The following CABLES1 variants were observed in gnomAD, a reference collection of about 807,000 sequenced individuals.
CABLES1 encodes the protein CDK5 and ABL1 enzyme substrate 1.
A neutral mutation model predicts 57.8 loss-of-function variants in CABLES1; 36 were observed. The ratio of observed to expected loss-of-function variants is 0.62; its 90% CI spans 0.48 to 0.82. CABLES1 has a LOEUF of 0.82. Ranked by LOEUF, CABLES1 falls within the 40% of genes least tolerant of loss-of-function variation. The probability of loss-of-function intolerance (pLI) is 0.00; values close to 1 mark genes in which losing one functional copy is unlikely to be tolerated. For synonymous variants in CABLES1, 374 were observed against 363.0 expected, an observed-to-expected ratio of 1.03 and a Z score of -0.35; for missense variants, 767 against 836.6, an observed-to-expected ratio of 0.92 and a Z score of 1.03.
chr18:23,232,367 C>G (rs566045110), intron 4 of CABLES1, among the ~76,000 whole-genome samples: 188 of 152,314 alleles, frequency 1.2e-3, no homozygotes, highest in Non-Finnish European at 2.4e-3. Context: ...GCTGCTGGTC[C>G]TTGAATGAAA....
intron 7 of CABLES1, among the ~76,000 whole-genome samples, chr18:23,247,186 T>C (rs1419026724): frequency 6.6e-6 from 1 of 152,188 alleles, no homozygotes; most frequent in East Asian, 1.9e-4. Flanking sequence ...CTTGGCATGG[T>C]TGGGAGGCCC....
intron 1 of CABLES1, among the ~76,000 whole-genome samples, chr18:23,175,737 T>C (rs2047118752): frequency 6.6e-6 from 1 of 152,234 alleles, no homozygotes; most frequent in Non-Finnish European, 1.5e-5. Context: ...CATGAGCCAC[T>C]GCTACTGGTC....
Position 23,136,036 on chromosome 18 carries a change from G to A in CABLES1, c.274G>A (p.Gly92Ser), listed in dbSNP as rs938283927. The change falls in exon 1 of 10, where the codon GGC becomes AGC. Residue 92 changes from glycine to serine, a missense_variant. Gly to Ser is a moderately conservative substitution (Grantham distance 56). Coordinates refer to ENST00000256925, the MANE Select transcript of CABLES1 (RefSeq NM_001100619.3). ...DAEWGGGEEGGAAKPGAGGAC... is the reference protein window; with the variant it reads ...DAEWGGGEEGSAAKPGAGGAC... ...GGAGTGGGGCGGTGGCGAGGAGGGC[G>A]GCGCGGCCAAGCCGGGCGCCGGCGG... 3 of 1,137,196 alleles carry A rather than the reference G, an allele frequency of 2.6e-6. No individual in the cohort carries two copies. The highest frequency in any genetic ancestry group is 3.2e-6 in the Non-Finnish European group (3 of 930,142). The allele number at this position is 1,137,196 out of a possible 1,614,324, so 70.4% of individuals were successfully genotyped here.
intron 7 of CABLES1, among the ~76,000 whole-genome samples, chr18:23,247,260 G>A (rs2047919887): frequency 6.6e-6 from 1 of 152,234 alleles, no homozygotes; most frequent in Non-Finnish European, 1.5e-5. Flanking sequence ...ATGACCTCCT[G>A]TACACCAGAG....
rs115499496 is a variant in CABLES1 at position 23,141,352 on chromosome 18, A to C, written c.845+4745A>C. ...ATCTATGTCTTGACTGAAAAGAAAA[A>C]TGTGAGCCCACCACAGATCAAGAAT... On this transcript the variant is annotated intron_variant, in intron 1 of 9. Transcript: ENST00000256925. 5.6e-3 allele frequency among the ~76,000 whole-genome samples: 860 copies of C among 152,312 alleles called. 11 individuals are homozygous for C. Among genetic ancestry groups the C allele is most frequent in the African/African-American group, 0.019 (785 of 41,572 alleles).
rs1308509595 is a variant in CABLES1, at chr18:23,136,662, A to G, written c.845+55A>G. ...ACCCTGCGTCCCGCCCGGCGCTCCC[A>G]GCCTCCCCGCGGTCTCTGGGCTACG... On this transcript the variant is annotated intron_variant, in intron 1 of 9. Coordinates refer to ENST00000256925, the MANE Select transcript of CABLES1 (RefSeq NM_001100619.3). 6 of 1,175,960 alleles carry G rather than the reference A, an allele frequency of 5.1e-6. No individual in the cohort carries two copies. The East Asian group carries it at 1.7e-4, about 34-fold the overall frequency. The allele number at this position is 1,175,960 out of a possible 1,614,324, so 72.8% of individuals were successfully genotyped here.
At chr18:23,189,293 A>G in intron 2 of CABLES1, 1 of 180,878 alleles carries the variant, frequency 5.5e-6, no homozygotes, top group Non-Finnish European at 1.2e-5. Context: ...AGAACTCCTC[A>G]GGAGGTAACC....
At chr18:23,245,212 C>G (rs2047844237) in intron 7 of CABLES1, among the ~76,000 whole-genome samples, 1 of 152,102 alleles carries the variant, frequency 6.6e-6, no homozygotes, top group African/African-American at 2.4e-5. Context: ...TGTTTTTGTA[C>G]AAAGCAAAGG....
chr18:23,221,810 C>G (rs2145064367), intron 4 of CABLES1, among the ~76,000 whole-genome samples: 1 of 152,284 alleles, frequency 6.6e-6, no homozygotes, highest in Non-Finnish European at 1.5e-5. Context: ...TCTATGGTCT[C>G]TGCCACAGTG....
At chr18:23,172,899 T>C (rs1056524097) in intron 1 of CABLES1, among the ~76,000 whole-genome samples, 50 of 152,026 alleles carry the variant, frequency 3.3e-4, no homozygotes, top group African/African-American at 1.0e-3. Context: ...GCACCTCGGA[T>C]TGGGGTATTG....
At chr18:23,243,943 C>T (rs1045165229) in intron 7 of CABLES1, among the ~76,000 whole-genome samples, 55 of 151,882 alleles carry the variant, frequency 3.6e-4, no homozygotes, top group African/African-American at 1.2e-3. Flanking sequence ...AGCATCTGCT[C>T]TCTATGTATT....
In CABLES1 at chr18:23,183,248, T is replaced by C. The variant is rs141316815; in HGVS notation, c.846-5590T>C. On this transcript the variant is annotated intron_variant, in intron 1 of 9. Coordinates refer to ENST00000256925, the MANE Select transcript of CABLES1 (RefSeq NM_001100619.3). Reference sequence around the variant, plus strand: ...CAGCCACAGGTTCTTCTGTGTACTTTCTTTCCCCTCTCTTCTTCCCCAAGT... The same window carrying C: ...CAGCCACAGGTTCTTCTGTGTACTTCCTTTCCCCTCTCTTCTTCCCCAAGT... 5.1e-3 allele frequency among the ~76,000 whole-genome samples: 780 copies of C among 152,308 alleles called. 7 individuals carry two copies. Among genetic ancestry groups the C allele is most frequent in the African/African-American group, 0.018 (753 of 41,568 alleles).
chr18:23,250,228 A>C (rs568967389), intron 7 of CABLES1, among the ~76,000 whole-genome samples: 150 of 152,330 alleles, frequency 9.8e-4, no homozygotes, highest in Middle Eastern at 3.4e-3. Flanking sequence ...CAGGCCCCCA[A>C]CAAAGGCAGA....
intron 2 of CABLES1, chr18:23,190,264 C>G (rs376938312): frequency 1.8e-4 from 28 of 152,312 alleles, no homozygotes; most frequent in African/African-American, 6.7e-4. Flanking sequence ...GAGTGAGTGA[C>G]ATCGCGATCT....
At chr18:23,188,255 A>T (rs1028474424) in intron 1 of CABLES1, among the ~76,000 whole-genome samples, 4 of 152,190 alleles carry the variant, frequency 2.6e-5, no homozygotes, top group African/African-American at 7.2e-5. Flanking sequence ...TTGCGTAATC[A>T]TGCCATATAT....
chr18:23,137,626 TC>T (rs1844277472), intron 1 of CABLES1, among the ~76,000 whole-genome samples: 1 of 152,214 alleles, frequency 6.6e-6, no homozygotes, highest in African/African-American at 2.4e-5. Flanking sequence ...AATTTCTCTC[TC>T]CTATCATGCT....
chr18:23,240,641 C>G (rs1231730918), intron 7 of CABLES1, among the ~76,000 whole-genome samples: 2 of 152,306 alleles, frequency 1.3e-5, no homozygotes, highest in East Asian at 3.9e-4. Flanking sequence ...GGTCACAGGC[C>G]AATTATGCAG....
At chr18:23,233,428 A>G (rs1004408564) in intron 4 of CABLES1, among the ~76,000 whole-genome samples, 3 of 152,168 alleles carry the variant, frequency 2.0e-5, no homozygotes, top group Admixed American at 6.5e-5. Context: ...GACCTTGGCA[A>G]TCTCCCAAGG....
rs146254799 is a variant in CABLES1, at chr18:23,213,824, A to G, written c.1011-153A>G. Among the ~76,000 whole-genome samples, 1,901 of 152,340 alleles carry G rather than the reference A, an allele frequency of 0.012. 13 individuals are homozygous for G. Among genetic ancestry groups the G allele is most frequent in the Middle Eastern group, 0.024 (7 of 294 alleles). On this transcript the variant is annotated intron_variant, in intron 3 of 9. Coordinates refer to ENST00000256925, the MANE Select transcript of CABLES1 (RefSeq NM_001100619.3). Reference sequence around the variant, plus strand: ...TGCCACGCTGGGGTTGCATTTTGCAAGGAGAGCAGAATACCATCTGCCAGA... The same window carrying G: ...TGCCACGCTGGGGTTGCATTTTGCAGGGAGAGCAGAATACCATCTGCCAGA...
Sources: allele counts gnomAD v4.1 joint callset (sites outside exome capture counted in the v4.1 genomes callset), GRCh38; gene constraint gnomAD v4.1.1; transcripts MANE v1.5; gene names NCBI Gene and HGNC (gene_info 2026-07-23, HGNC 2026-07-21).